Variants in TMPRSS15 observed in about 807,000 individuals in gnomAD.
The protein encoded by TMPRSS15 is enteropeptidase.
In TMPRSS15, 128 loss-of-function variants were observed where a neutral mutation model predicts 125.3. The ratio of observed to expected loss-of-function variants is 1.02; its 90% CI spans 0.89 to 1.18. TMPRSS15 has a LOEUF of 1.18. Ranked by LOEUF, TMPRSS15 falls within the 50% of genes most tolerant of loss-of-function variation. TMPRSS15 has a pLI of 0.00. For synonymous variants in TMPRSS15, 446 were observed against 423.2 expected, an observed-to-expected ratio of 1.05 and a Z score of -0.66; for missense variants, 1,283 against 1,212.7, an observed-to-expected ratio of 1.06 and a Z score of -0.86.
At chr21:18,479,886 G>A (rs1189116489) in intron 1 of TMPRSS15, among the ~76,000 whole-genome samples, 2 of 152,016 alleles carry the variant, frequency 1.3e-5, no homozygotes, top group Non-Finnish European at 2.9e-5. Context: ...TCACATTACT[G>A]GGTATATACC....
At chr21:18,430,986 T>C (rs1045166725) in intron 1 of TMPRSS15, among the ~76,000 whole-genome samples, 1 of 152,218 alleles carries the variant, frequency 6.6e-6, no homozygotes, top group Non-Finnish European at 1.5e-5. Flanking sequence ...TTGCTTAGCA[T>C]GTACAGTCTT....
chr21:18,462,347 T>C (rs772992568), intron 1 of TMPRSS15, among the ~76,000 whole-genome samples: 1 of 152,100 alleles, frequency 6.6e-6, no homozygotes, highest in Admixed American at 6.6e-5. Flanking sequence ...TACAAGAAAG[T>C]GTGATGTAGA....
intron 1 of TMPRSS15, among the ~76,000 whole-genome samples, chr21:18,411,754 C>T (rs976324361): frequency 6.6e-5 from 10 of 152,178 alleles, no homozygotes; most frequent in South Asian, 2.1e-4. Context: ...ATGAAAGTCA[C>T]TCTCACCAAG....
chr21:18,408,100 A>C (rs1013821167), upstream of TMPRSS15, among the ~76,000 whole-genome samples: 2 of 152,214 alleles, frequency 1.3e-5, no homozygotes, highest in Admixed American at 1.3e-4. Context: ...AAAGGGTAAG[A>C]ATAGAACAGA....
At chr21:18,473,846 G>A (rs1188981207) in intron 1 of TMPRSS15, among the ~76,000 whole-genome samples, 1 of 152,016 alleles carries the variant, frequency 6.6e-6, no homozygotes, top group Non-Finnish European at 1.5e-5. Context: ...CCTTGTTAAT[G>A]CAGTTTTTCT....
chr21:18,360,062 G>A (rs1043092319), intron 7 of TMPRSS15, among the ~76,000 whole-genome samples, 199 bp from the exon 8 acceptor site: 1 of 151,952 alleles, frequency 6.6e-6, no homozygotes, highest in African/African-American at 2.4e-5. Flanking sequence ...ACTCTTTCAG[G>A]ACTGAAACTC....
chr21:18,388,668 C>G (rs902378500), intron 3 of TMPRSS15, among the ~76,000 whole-genome samples: 1 of 152,106 alleles, frequency 6.6e-6, no homozygotes, highest in Non-Finnish European at 1.5e-5. Flanking sequence ...TGAATTGATG[C>G]TTTACTGCAG....
intron 1 of TMPRSS15, among the ~76,000 whole-genome samples, chr21:18,428,314 G>T (rs1482295854): frequency 1.3e-5 from 2 of 152,166 alleles, no homozygotes; most frequent in Non-Finnish European, 1.5e-5. Flanking sequence ...TGGAAAATTT[G>T]CAGGCTGACA....
chr21:18,317,306 C>A (rs1440172960), intron 16 of TMPRSS15, among the ~76,000 whole-genome samples: 1 of 150,480 alleles, frequency 6.6e-6, no homozygotes, highest in African/African-American at 2.5e-5. Context: ...TATAGCCATA[C>A]TATACTTATT....
At position 18,313,086 on chromosome 21, in the gene TMPRSS15, A is replaced by G; in HGVS notation, c.2033-9T>C. 6 of 1,604,352 alleles carry G rather than the reference A, an allele frequency of 3.7e-6. No homozygotes were observed. The highest frequency in any genetic ancestry group is 5.1e-6 in the Non-Finnish European group (6 of 1,171,178). ...GCCATTGAAAAAACGCACTAAAGAC[A>G]CAGAGAGCATAATGGTAGTTACCAG... On this transcript the variant is annotated splice_polypyrimidine_tract_variant and intron_variant, in intron 17 of 24. Transcript: ENST00000284885.
At chr21:18,355,139 A>G (rs1196642410) in intron 8 of TMPRSS15, among the ~76,000 whole-genome samples, 1 of 151,914 alleles carries the variant, frequency 6.6e-6, no homozygotes, top group Non-Finnish European at 1.5e-5. Context: ...GTGTAATTTT[A>G]ATACTTCTCA....
intron 1 of TMPRSS15, among the ~76,000 whole-genome samples, chr21:18,412,874 T>G (rs970349763): frequency 6.6e-6 from 1 of 152,212 alleles, no homozygotes; most frequent in African/African-American, 2.4e-5. Flanking sequence ...TGGTTAGGTG[T>G]AGGGAATTAA....
chr21:18,420,853 A>C (rs1012453712), intron 1 of TMPRSS15, among the ~76,000 whole-genome samples: 1 of 152,166 alleles, frequency 6.6e-6, no homozygotes, highest in Admixed American at 6.5e-5. Context: ...TTCTCCGTTC[A>C]ACCCCAAGAA....
chr21:18,423,139 T>C (rs566166679), intron 1 of TMPRSS15, among the ~76,000 whole-genome samples: 1 of 152,188 alleles, frequency 6.6e-6, no homozygotes, highest in Non-Finnish European at 1.5e-5. Flanking sequence ...CTGGCAAATA[T>C]GACTTATAGT....
intron 1 of TMPRSS15, among the ~76,000 whole-genome samples, chr21:18,448,700 A>G (rs1022891594): frequency 3.9e-5 from 6 of 152,142 alleles, no homozygotes; most frequent in African/African-American, 1.2e-4. Context: ...TTTAAATATC[A>G]TATCATACTG....
chr21:18,481,485 T>G (rs1161174002), intron 1 of TMPRSS15, among the ~76,000 whole-genome samples: 1 of 151,854 alleles, frequency 6.6e-6, no homozygotes, highest in African/African-American at 2.4e-5. Flanking sequence ...TGCTATGTGA[T>G]GTATCTTTTT....
intron 18 of TMPRSS15, among the ~76,000 whole-genome samples, chr21:18,305,742 C>T (rs1001471093): frequency 6.6e-6 from 1 of 152,294 alleles, no homozygotes; most frequent in Non-Finnish European, 1.5e-5. Context: ...TGCCTTCCCC[C>T]ACCCTGCTAG....
intron 16 of TMPRSS15, among the ~76,000 whole-genome samples, chr21:18,316,488 G>A (rs1055114552): frequency 6.7e-5 from 10 of 149,826 alleles, no homozygotes; most frequent in Non-Finnish European, 1.5e-4. Flanking sequence ...TGGTCAGGCA[G>A]GAAAGGGTAG....
At chr21:18,428,954 T>C (rs1027093891) in intron 1 of TMPRSS15, among the ~76,000 whole-genome samples, 1 of 152,100 alleles carries the variant, frequency 6.6e-6, no homozygotes, top group East Asian at 1.9e-4. Flanking sequence ...AAACCCTGAA[T>C]GCCAACTCAT....
Sources: gnomAD v4.1 joint callset for allele counts (sites outside exome capture counted in the v4.1 genomes callset) on GRCh38, gnomAD v4.1.1 for gene constraint, MANE v1.5 for transcripts, NCBI Gene and HGNC (gene_info 2026-07-23, HGNC 2026-07-21) for gene names.